CFAP299: variants seen among roughly 807,000 people sequenced by gnomAD.
CFAP299 encodes the protein cilia and flagella associated protein 299, also known as cilia- and flagella-associated protein 299.
A neutral mutation model predicts 27.0 loss-of-function variants in CFAP299; 21 were observed. That is an observed-to-expected ratio of 0.78 (90% CI 0.55 to 1.12). CFAP299 has a LOEUF of 1.12. CFAP299 is among the 50% of genes most tolerant of loss of function. CFAP299 has a pLI of 0.00. For synonymous variants in CFAP299, 104 were observed against 98.1 expected (o/e 1.06, Z -0.36); for missense variants, 310 against 276.6 (o/e 1.12, Z -0.86).
intron 3 of CFAP299, among the ~76,000 whole-genome samples, chr4:80,854,923 A>G (rs1379883233): frequency 6.6e-6 from 1 of 152,028 alleles, no homozygotes; most frequent in Non-Finnish European, 1.5e-5. Flanking sequence ...AGTGCTAAAC[A>G]ACTGAACAAT....
At chr4:80,591,327 T>G (rs868436228) in intron 3 of CFAP299, among the ~76,000 whole-genome samples, 1 of 151,380 alleles carries the variant, frequency 6.6e-6, no homozygotes, top group Non-Finnish European at 1.5e-5. Flanking sequence ...GTTTCACCGT[T>G]TTAGCCGGGA....
At chr4:80,666,507 A>G (rs1741147888) in intron 3 of CFAP299, among the ~76,000 whole-genome samples, 2 of 152,190 alleles carry the variant, frequency 1.3e-5, no homozygotes, top group African/African-American at 4.8e-5. Context: ...TTTGAAAAAG[A>G]AAAGAGTCAA....
At chr4:80,725,136 T>G (rs1312106765) in intron 3 of CFAP299, among the ~76,000 whole-genome samples, 2 of 129,004 alleles carry the variant, frequency 1.6e-5, no homozygotes, top group African/African-American at 6.6e-5. Context: ...TTTTTTTTTT[T>G]GTAGAGATGG....
At chr4:80,646,260 A>G (rs773751915) in intron 3 of CFAP299, among the ~76,000 whole-genome samples, 2 of 152,182 alleles carry the variant, frequency 1.3e-5, no homozygotes, top group African/African-American at 2.4e-5. Context: ...TTTGTTAAAT[A>G]AAAGAAAAAG....
At chr4:80,587,573 C>T (rs961362155) in intron 3 of CFAP299, among the ~76,000 whole-genome samples, 5 of 152,064 alleles carry the variant, frequency 3.3e-5, no homozygotes, top group Non-Finnish European at 5.9e-5. Flanking sequence ...ACATCTAAGC[C>T]TAAAACTTGG....
intron 3 of CFAP299, among the ~76,000 whole-genome samples, chr4:80,856,527 A>T (rs955652873): frequency 3.0e-4 from 46 of 151,838 alleles, no homozygotes; most frequent in Non-Finnish European, 4.6e-4. Flanking sequence ...TAGGGTTTTT[A>T]TGGTTTTAGG....
chr4:80,460,485 CT>C (rs1436947318), intron 2 of CFAP299, among the ~76,000 whole-genome samples: 2 of 152,096 alleles, frequency 1.3e-5, no homozygotes, highest in African/African-American at 4.8e-5. Flanking sequence ...CCTGCACTTT[CT>C]CCCCTCATCT....
At chr4:80,412,038 T>C (rs927387671) in intron 2 of CFAP299, among the ~76,000 whole-genome samples, 1 of 152,130 alleles carries the variant, frequency 6.6e-6, no homozygotes, top group Non-Finnish European at 1.5e-5. Context: ...GTCCCTTTTA[T>C]GGAATAAGAA....
chr4:80,826,356 G>A (rs944653270), intron 3 of CFAP299, among the ~76,000 whole-genome samples: 1 of 151,402 alleles, frequency 6.6e-6, no homozygotes, highest in Non-Finnish European at 1.5e-5. Context: ...AAGGACAGAA[G>A]TTTCTTCTTA....
At chr4:80,379,489 T>C (rs1724587723) in intron 2 of CFAP299, among the ~76,000 whole-genome samples, 1 of 152,026 alleles carries the variant, frequency 6.6e-6, no homozygotes, top group African/African-American at 2.4e-5. Context: ...AATATTAGTT[T>C]ATTGATTTTA....
intron 3 of CFAP299, among the ~76,000 whole-genome samples, chr4:80,622,895 C>G (rs1738680300): frequency 6.6e-6 from 1 of 152,130 alleles, no homozygotes; most frequent in Non-Finnish European, 1.5e-5. Flanking sequence ...CTCGCTCAAT[C>G]AATTTTCTCT....
chr4:80,469,427 C>A (rs1729874637), intron 2 of CFAP299, among the ~76,000 whole-genome samples: 2 of 152,082 alleles, frequency 1.3e-5, no homozygotes, highest in African/African-American at 4.8e-5. Context: ...TCATATTTGT[C>A]TTAAGTTTTC....
chr4:80,950,286 C>T (rs189135741), intron 5 of CFAP299, among the ~76,000 whole-genome samples: 211 of 146,206 alleles, frequency 1.4e-3, no homozygotes, highest in African/African-American at 4.6e-3. Context: ...GTTTCCTTGG[C>T]AACTGTTGAG....
intron 2 of CFAP299, among the ~76,000 whole-genome samples, chr4:80,488,947 A>G (rs1356256786): frequency 3.3e-5 from 5 of 152,146 alleles, no homozygotes; most frequent in African/African-American, 1.2e-4. Context: ...GCCTTCCTAG[A>G]TGCTTCTGTA....
intron 2 of CFAP299, among the ~76,000 whole-genome samples, chr4:80,365,821 G>C (rs1350470687): frequency 1.3e-5 from 2 of 152,182 alleles, no homozygotes; most frequent in Non-Finnish European, 2.9e-5. Context: ...CATGTTTAAA[G>C]TCTAAGTTCT....
At chr4:80,386,215 A>G in intron 2 of CFAP299, 9 of 974,226 alleles carry the variant, frequency 9.2e-6, no homozygotes, top group Non-Finnish European at 1.4e-5. Flanking sequence ...CACAGCGAGC[A>G]TGGCACATGG....
At chr4:80,554,132 A>C (rs1385514287) in intron 2 of CFAP299, among the ~76,000 whole-genome samples, 1 of 152,078 alleles carries the variant, frequency 6.6e-6, no homozygotes, top group Non-Finnish European at 1.5e-5. Context: ...TGAGTTTTAC[A>C]TTTAAGTCTT....
intron 3 of CFAP299, among the ~76,000 whole-genome samples, chr4:80,691,339 T>A (rs1720671256): frequency 7.9e-6 from 1 of 127,086 alleles, no homozygotes; most frequent in Non-Finnish European, 1.6e-5. Flanking sequence ...AAAAAGCTTA[T>A]CCACCATGAT....
intron 3 of CFAP299, among the ~76,000 whole-genome samples, chr4:80,624,018 A>T (rs375617483): frequency 6.6e-6 from 1 of 152,240 alleles, no homozygotes; most frequent in East Asian, 1.9e-4. Context: ...ATTTTCTCAG[A>T]AAAATGCCAG....
Sources: allele counts gnomAD v4.1 joint callset (sites outside exome capture counted in the v4.1 genomes callset), GRCh38; gene constraint gnomAD v4.1.1; transcripts MANE v1.5; gene names NCBI Gene and HGNC (gene_info 2026-07-23, HGNC 2026-07-21).